Variants in CCDC171 observed in about 807,000 individuals in gnomAD.
The protein encoded by CCDC171 is coiled-coil domain containing 171.
A neutral mutation model predicts 168.2 loss-of-function variants in CCDC171; 177 were observed. The observed-to-expected ratio is 1.05, with a 90% CI of 0.93 to 1.19. The LOEUF is 1.19. Ranked by LOEUF, CCDC171 falls within the 50% of genes most tolerant of loss-of-function variation. The probability of loss-of-function intolerance (pLI) is 0.00; values close to 1 mark genes in which losing one functional copy is unlikely to be tolerated. For synonymous variants in CCDC171, 687 were observed against 540.8 expected, an observed-to-expected ratio of 1.27 and a Z score of -3.75; for missense variants, 1,991 against 1,539.0, an observed-to-expected ratio of 1.29 and a Z score of -4.91.
chr9:15,959,775 C>T (rs920812595), intron 25 of CCDC171, among the ~76,000 whole-genome samples: 3 of 152,010 alleles, frequency 2.0e-5, no homozygotes, highest in African/African-American at 4.8e-5. Context: ...CGACCTAATG[C>T]CTTTCCTCCA....
At chr9:16,082,460 T>G in the CCDC171 span, among the ~76,000 whole-genome samples, 1 of 152,338 alleles carries the variant, frequency 6.6e-6, no homozygotes, top group East Asian at 1.9e-4. Flanking sequence ...CGGGGTTTCC[T>G]GAATTCCAAG....
intron 24 of CCDC171, among the ~76,000 whole-genome samples, chr9:15,887,465 A>G (rs1341319403): frequency 6.6e-6 from 1 of 152,036 alleles, no homozygotes; most frequent in Non-Finnish European, 1.5e-5. Flanking sequence ...TTAAGAAGTA[A>G]CTCACTGAAG....
At chr9:15,609,917 A>G (rs1006035517) in intron 6 of CCDC171, among the ~76,000 whole-genome samples, 1 of 152,114 alleles carries the variant, frequency 6.6e-6, no homozygotes, top group Non-Finnish European at 1.5e-5. Context: ...TTTATAGATC[A>G]TTTTGACATA....
intron 7 of CCDC171, among the ~76,000 whole-genome samples, chr9:15,629,771 C>G (rs958903863): frequency 3.3e-5 from 5 of 152,092 alleles, no homozygotes; most frequent in African/African-American, 1.2e-4. Flanking sequence ...TAAGGGCAGC[C>G]AGAGAGAAAG....
the CCDC171 span, among the ~76,000 whole-genome samples, chr9:16,083,893 C>A: frequency 6.6e-6 from 1 of 152,202 alleles, no homozygotes; most frequent in Non-Finnish European, 1.5e-5. Flanking sequence ...TTACAGGCTG[C>A]AGGGCTCAGT....
intron 1 of CCDC171, among the ~76,000 whole-genome samples, chr9:15,561,632 G>C (rs2039308057): frequency 1.3e-5 from 2 of 152,076 alleles, no homozygotes; most frequent in Admixed American, 6.5e-5. Context: ...CCTGGTGGAA[G>C]AAGAGGGAGG....
intron 11 of CCDC171, among the ~76,000 whole-genome samples, chr9:15,710,817 G>C (rs577861433): frequency 1.3e-5 from 2 of 150,770 alleles, no homozygotes; most frequent in African/African-American, 4.9e-5. Flanking sequence ...GGATGGTCTT[G>C]AACTCCGGAC....
chr9:15,936,138 T>G (rs1421452724), intron 25 of CCDC171, among the ~76,000 whole-genome samples: 3 of 152,064 alleles, frequency 2.0e-5, no homozygotes, highest in African/African-American at 7.2e-5. Flanking sequence ...TGGAGGACTA[T>G]GCTTTGCAGC....
At position 15,819,688 on chromosome 9, in the gene CCDC171, A is replaced by G. The variant is rs1167854488; in HGVS notation, c.3268-27014A>G. On this transcript the variant is annotated intron_variant, in intron 21 of 25. Transcript: ENST00000380701. ...AATACAGGAACACCCAGATTCATAA[A>G]GCAAGTCCTGAGTGACCTACAAAGA... Among the ~76,000 whole-genome samples the G allele has an allele frequency of 4.2e-5, 5 of 117,928 alleles. 1 individual carries two copies. The highest frequency in any genetic ancestry group is 6.4e-5 in the African/African-American group (2 of 31,294). The allele number at this position is 117,928 out of a possible 152,430, so 77.4% of individuals were successfully genotyped here.
intron 25 of CCDC171, among the ~76,000 whole-genome samples, chr9:15,949,210 G>A (rs1159377698): frequency 6.6e-6 from 1 of 152,044 alleles, no homozygotes; most frequent in Non-Finnish European, 1.5e-5. Flanking sequence ...GTACCATGCT[G>A]TTTTGGTTAC....
chr9:15,887,245 T>C (rs1048674663), intron 24 of CCDC171, among the ~76,000 whole-genome samples: 3 of 152,302 alleles, frequency 2.0e-5, no homozygotes, highest in Admixed American at 6.5e-5. Context: ...ATACAAACTT[T>C]ATTTGTCAAA....
chr9:15,938,151 C>T (rs566521976), intron 25 of CCDC171, among the ~76,000 whole-genome samples: 1 of 151,870 alleles, frequency 6.6e-6, no homozygotes, highest in African/African-American at 2.4e-5. Context: ...TATTTCCTCA[C>T]CTTGCAGATG....
chr9:15,568,954 G>A (rs1330433478), intron 2 of CCDC171, among the ~76,000 whole-genome samples: 6 of 152,110 alleles, frequency 3.9e-5, no homozygotes, highest in Non-Finnish European at 8.8e-5. Flanking sequence ...AGGCATCTTC[G>A]TCATGACATC....
At chr9:15,663,897 C>T (rs572450375) in intron 8 of CCDC171, among the ~76,000 whole-genome samples, 3 of 152,062 alleles carry the variant, frequency 2.0e-5, no homozygotes, top group Admixed American at 6.6e-5. Context: ...TGAGCCACCG[C>T]GCCCGGCTGA....
At position 15,627,836 on chromosome 9, in the gene CCDC171, G is replaced by A. The variant is rs192363435; in HGVS notation, c.822+4423G>A. Among the ~76,000 whole-genome samples, 25 of 152,298 alleles carry A rather than the reference G, an allele frequency of 1.6e-4. No individual in the cohort carries two copies. The East Asian group carries it at 3.5e-3, about 21-fold the overall frequency. The stretch of plus-strand genomic sequence containing the variant: ...AGTACCGTAGATGTCTATTAGGTCT[G>A]CTTGGTGCAGAGCTGAGTTCAATTC... On this transcript the variant is annotated intron_variant, in intron 7 of 25. Transcript: ENST00000380701.
Position 15,657,119 on chromosome 9 carries a change from G to T in CCDC171, c.823-8G>T. The T allele has an allele frequency of 1.3e-6, 2 of 1,541,784 alleles. No individual in the cohort carries two copies. The highest frequency in any genetic ancestry group is 1.9e-5 in the Admixed American group (1 of 52,600). On this transcript the variant is annotated splice_polypyrimidine_tract_variant and splice_region_variant and intron_variant, in intron 7 of 25. Coordinates refer to ENST00000380701, the MANE Select transcript of CCDC171 (RefSeq NM_173550.4). ...GTTTATGAATTTAAACTTTTAATTT[G>T]TTTTCAGGCAACTACTCTAAGAGTG...
At chr9:15,908,760 G>A (rs529281473) in intron 24 of CCDC171, among the ~76,000 whole-genome samples, 14 of 152,292 alleles carry the variant, frequency 9.2e-5, no homozygotes, top group African/African-American at 3.1e-4. Context: ...TAAGATTCTG[G>A]CAGAAGGTGA....
At chr9:15,723,852 AT>A (rs1025598937) in intron 13 of CCDC171, 106 bp downstream of exon 13, 3 of 510,676 alleles carry the variant, frequency 5.9e-6, no homozygotes, top group African/African-American at 4.0e-5. Flanking sequence ...ATGTATTTCT[AT>A]TTTTTAAAGT....
At chr9:15,951,594 A>G (rs936951299) in intron 25 of CCDC171, among the ~76,000 whole-genome samples, 15 of 151,840 alleles carry the variant, frequency 9.9e-5, no homozygotes, top group African/African-American at 3.4e-4. Flanking sequence ...ATCTCATTGT[A>G]GGTTTGATTT....
Sources: allele counts gnomAD v4.1 joint callset (sites outside exome capture counted in the v4.1 genomes callset), GRCh38; gene constraint gnomAD v4.1.1; transcripts MANE v1.5; gene names NCBI Gene and HGNC (gene_info 2026-07-23, HGNC 2026-07-21).